The following L3MBTL4 variants were observed in gnomAD, a reference collection of about 807,000 sequenced individuals.
L3MBTL4 encodes the protein lethal(3)malignant brain tumor-like protein 4.
Under a neutral mutation model 84.5 loss-of-function variants are expected in L3MBTL4, and 70 were observed. The ratio of observed to expected loss-of-function variants is 0.83; its 90% CI spans 0.68 to 1.01. L3MBTL4 has a LOEUF of 1.01. L3MBTL4 is among the 50% of genes least tolerant of loss of function. L3MBTL4 has a pLI of 0.00. For synonymous variants in L3MBTL4, 274 were observed against 259.8 expected, an observed-to-expected ratio of 1.05 and a Z score of -0.52; for missense variants, 715 against 754.8, an observed-to-expected ratio of 0.95 and a Z score of 0.62.
intron 1 of L3MBTL4, among the ~76,000 whole-genome samples, chr18:6,337,968 A>T (rs2052423975): frequency 6.6e-6 from 1 of 152,090 alleles, no homozygotes; most frequent in Non-Finnish European, 1.5e-5. Flanking sequence ...TCTAACAGGA[A>T]CAATGAAAGC....
At chr18:6,108,572 C>T (rs1240854891) in intron 14 of L3MBTL4, among the ~76,000 whole-genome samples, 1 of 152,036 alleles carries the variant, frequency 6.6e-6, no homozygotes, top group Non-Finnish European at 1.5e-5. Context: ...TGGGATTTCA[C>T]AGCTAGAGTC....
At chr18:6,146,661 T>C (rs1000763447) in intron 13 of L3MBTL4, among the ~76,000 whole-genome samples, 1 of 152,220 alleles carries the variant, frequency 6.6e-6, no homozygotes, top group African/African-American at 2.4e-5. Flanking sequence ...GAAGTTTTTA[T>C]ATAAAAGGTT....
intron 10 of L3MBTL4, among the ~76,000 whole-genome samples, chr18:6,220,681 G>A (rs1009368532): frequency 6.6e-6 from 1 of 152,168 alleles, no homozygotes; most frequent in Admixed American, 6.5e-5. Flanking sequence ...TCACTTCACT[G>A]TTATTTCCTC....
At chr18:5,992,176 T>C (rs1043778592) in intron 16 of L3MBTL4, among the ~76,000 whole-genome samples, 4 of 152,112 alleles carry the variant, frequency 2.6e-5, no homozygotes, top group African/African-American at 9.7e-5. Flanking sequence ...CAGGGTGATG[T>C]GCTGAGTTCA....
chr18:6,147,169 G>T (rs1442680223), intron 13 of L3MBTL4, among the ~76,000 whole-genome samples: 1 of 152,000 alleles, frequency 6.6e-6, no homozygotes, highest in East Asian at 1.9e-4. Context: ...TAGTATCTTG[G>T]TTTTTTCCCT....
At chr18:6,171,170 A>G (rs979605838) in intron 13 of L3MBTL4, among the ~76,000 whole-genome samples, 1 of 152,196 alleles carries the variant, frequency 6.6e-6, no homozygotes, top group African/African-American at 2.4e-5. Context: ...AAAGTGAAGC[A>G]GTGAGGGAAC....
chr18:6,169,365 A>G (rs2043848144), intron 13 of L3MBTL4, among the ~76,000 whole-genome samples: 2 of 152,204 alleles, frequency 1.3e-5, no homozygotes, highest in Non-Finnish European at 2.9e-5. Flanking sequence ...TGCTGCTATA[A>G]AGACACATGC....
intron 14 of L3MBTL4, among the ~76,000 whole-genome samples, chr18:6,120,525 GC>G (rs2059491589): frequency 6.6e-6 from 1 of 152,124 alleles, no homozygotes; most frequent in Non-Finnish European, 1.5e-5. Context: ...TATATAGAGT[GC>G]CCAGATTATA....
intron 17 of L3MBTL4, among the ~76,000 whole-genome samples, chr18:5,964,703 T>A (rs75107994): frequency 6.9e-4 from 105 of 152,274 alleles, no homozygotes; most frequent in African/African-American, 2.4e-3. Flanking sequence ...AAGTGGTTTT[T>A]AATAAGAGAA....
intron 17 of L3MBTL4, among the ~76,000 whole-genome samples, chr18:5,968,899 C>T (rs1040719498): frequency 6.6e-6 from 1 of 152,084 alleles, no homozygotes; most frequent in African/African-American, 2.4e-5. Context: ...ATGAGCAAAC[C>T]TGCAGCAGGG....
intron 12 of L3MBTL4, among the ~76,000 whole-genome samples, chr18:6,198,677 G>A (rs192533855): frequency 1.7e-4 from 26 of 152,276 alleles, no homozygotes; most frequent in Admixed American, 1.4e-3. Flanking sequence ...GAGAGGAAAT[G>A]ACCATGTGTC....
chr18:6,275,798 C>T (rs1568423189), intron 4 of L3MBTL4, among the ~76,000 whole-genome samples: 1 of 152,074 alleles, frequency 6.6e-6, no homozygotes, highest in Non-Finnish European at 1.5e-5. Context: ...AAAATCCAAG[C>T]GAGGTGCTCA....
intron 12 of L3MBTL4, among the ~76,000 whole-genome samples, chr18:6,197,527 G>A (rs548005218): frequency 6.6e-6 from 1 of 152,266 alleles, no homozygotes; most frequent in South Asian, 2.1e-4. Context: ...TGGGCATTTG[G>A]GTTGATTCCA....
chr18:6,175,944 T>A (rs1009249437), intron 12 of L3MBTL4, among the ~76,000 whole-genome samples: 6 of 152,192 alleles, frequency 3.9e-5, no homozygotes, highest in Middle Eastern at 3.4e-3. Context: ...ATTAATTTTT[T>A]AAAAATTTCC....
Position 6,171,843 on chromosome 18 carries a change from G to A in L3MBTL4, c.1081C>T (p.Leu361=). 1 of 1,546,922 alleles carries A rather than the reference G, an allele frequency of 6.5e-7. No homozygotes were observed. The highest frequency in any genetic ancestry group is 8.7e-7 in the Non-Finnish European group (1 of 1,143,050). ...IGWCDVTGHP[L]EVPQRTNDLK... is the part of the protein sequence containing the mutation. Reference sequence around the variant, plus strand: ...AAGTACTCACGCTGTGGCACTTCCAGTGGATGCCCTGTGACATCACACCAT... The same window carrying A: ...AAGTACTCACGCTGTGGCACTTCCAATGGATGCCCTGTGACATCACACCAT... The change falls in exon 13 of 19, where the codon CTG becomes TTG. Residue 361 remains leucine (L), a synonymous_variant. Coordinates refer to ENST00000317931, the MANE Select transcript of L3MBTL4 (RefSeq NM_001330559.2).
chr18:6,400,949 G>A (rs1025963433), intron 1 of L3MBTL4, among the ~76,000 whole-genome samples: 7 of 152,116 alleles, frequency 4.6e-5, no homozygotes, highest in South Asian at 2.1e-4. Context: ...GCTGAGTGTC[G>A]AAGCTGAGAC....
At chr18:6,079,558 A>G (rs1167510148) in intron 16 of L3MBTL4, among the ~76,000 whole-genome samples, 2 of 152,244 alleles carry the variant, frequency 1.3e-5, no homozygotes, top group Non-Finnish European at 2.9e-5. Flanking sequence ...GCATTTTGCT[A>G]TGACATTTTC....
intron 16 of L3MBTL4, among the ~76,000 whole-genome samples, chr18:6,078,075 G>A (rs962229030): frequency 4.2e-4 from 59 of 140,508 alleles, no homozygotes; most frequent in African/African-American, 1.5e-3. Context: ...GACTCCTGAT[G>A]AATGAAGAAG....
intron 16 of L3MBTL4, among the ~76,000 whole-genome samples, chr18:6,044,607 G>A (rs1211856951): frequency 6.6e-6 from 1 of 152,068 alleles, no homozygotes; most frequent in Admixed American, 6.5e-5. Flanking sequence ...TCTCTGCACT[G>A]CAGTTTCTCC....
Sources: gnomAD v4.1 joint callset for allele counts (sites outside exome capture counted in the v4.1 genomes callset) on GRCh38, gnomAD v4.1.1 for gene constraint, MANE v1.5 for transcripts, NCBI Gene and HGNC (gene_info 2026-07-23, HGNC 2026-07-21) for gene names.